Variants in PDXK observed in about 807,000 individuals in gnomAD.
PDXK encodes epididymis secretory sperm binding protein Li 1a.
A neutral mutation model predicts 43.2 loss-of-function variants in PDXK; 15 were observed. The observed-to-expected ratio is 0.35, with a 90% CI of 0.23 to 0.53. PDXK has a LOEUF of 0.53. PDXK is among the 20% of genes least tolerant of loss of function. The pLI is 0.92. For synonymous variants in PDXK, 172 were observed against 165.4 expected (o/e 1.04, Z -0.31); for missense variants, 343 against 417.0 (o/e 0.82, Z 1.54).
In PDXK at chr21:43,734,753, C is replaced by T. The variant is rs1174407947; in HGVS notation, c.142+630C>T. 6.6e-6 allele frequency among the ~76,000 whole-genome samples: 1 copy of T among 152,104 alleles called. No homozygotes were observed. Among genetic ancestry groups the T allele is most frequent in the African/African-American group, 2.4e-5 (1 of 41,412 alleles). On this transcript the variant is annotated intron_variant, in intron 2 of 10. Coordinates refer to ENST00000291565, the MANE Select transcript of PDXK (RefSeq NM_003681.5). This position sits in a 1 kb window ranked among gnomAD's most constrained non-coding sequence, Gnocchi z 5.0. ...GCCATGCTTTCCATGCCCCCAGCCC[C>T]ATGGCCTGGGGGTGGAGGTGCGTGG...
At chr21:43,729,129 GC>G (rs1601786736) in intron 1 of PDXK, 1 of 549,126 alleles carries the variant, frequency 1.8e-6, no homozygotes, top group East Asian at 1.7e-4. Context: ...TCCCACCCCG[GC>G]TCCGCTGGGT....
At chr21:43,753,013 C>T (rs955797809) in intron 8 of PDXK, among the ~76,000 whole-genome samples, 3 of 152,182 alleles carry the variant, frequency 2.0e-5, no homozygotes, top group African/African-American at 7.2e-5. Context: ...AGCTAGTGGC[C>T]GCGGGTTCAT....
rs1001206527 is a variant in PDXK at position 43,758,404 on chromosome 21, G to A, written c.*2341G>A. 1 of 153,436 alleles carries A rather than the reference G, an allele frequency of 6.5e-6. No homozygotes were observed. The highest frequency in any genetic ancestry group is 1.5e-5 in the Non-Finnish European group (1 of 68,074). The allele number at this position is 153,436 out of a possible 1,614,324, so 9.5% of individuals were successfully genotyped here. A position where few individuals can be genotyped will look rare whatever the true frequency, so the allele number is the denominator to read the frequency against. On this transcript the variant is annotated 3_prime_UTR_variant, in exon 11 of 11. Transcript: ENST00000291565. ...AAATCGGGGGTTTCTGAGAGCAGAT[G>A]GTGCCTTTGTGGGTGCAGGGCTTTT...
rs750378139 is a variant in PDXK at position 43,756,099 on chromosome 21, G to A, written c.*36G>A. 2 of 1,206,368 alleles carry A rather than the reference G, an allele frequency of 1.7e-6. No individual in the cohort carries two copies. Among genetic ancestry groups the A allele is most frequent in the Admixed American group, 1.8e-5 (1 of 54,828 alleles). The allele number at this position is 1,206,368 out of a possible 1,614,324, so 74.7% of individuals were successfully genotyped here. ...GCTTGCCCGTGACACGCAGCGCGTT[G>A]GTGTCTCCGTGTTTGTCCCTGTGAA... On this transcript the variant is annotated 3_prime_UTR_variant, in exon 11 of 11. Coordinates refer to ENST00000291565, the MANE Select transcript of PDXK (RefSeq NM_003681.5).
chr21:43,746,225 G>A, intron 5 of PDXK, 100 bp downstream of exon 5: 1 of 947,910 alleles, frequency 1.1e-6, no homozygotes. Flanking sequence ...AACTCGGTGG[G>A]ACTCCTCTGT....
Position 43,732,522 on chromosome 21 carries a change from C to T in PDXK, c.88-1547C>T. ...AAAAGCAGAAAATAGCGACTTCATTCTCGGATACGTTTGCCAGCCCCAAAG... is the reference window on the plus strand; with the variant it reads ...AAAAGCAGAAAATAGCGACTTCATTTTCGGATACGTTTGCCAGCCCCAAAG... On this transcript the variant is annotated intron_variant, in intron 1 of 10. Transcript: ENST00000291565. The surrounding 1 kb of genome is among the most constrained non-coding windows in gnomAD (Gnocchi z 4.1). 1 of 1,276,612 alleles carries T rather than the reference C, an allele frequency of 7.8e-7. No homozygotes were observed. The highest frequency in any genetic ancestry group is 1.1e-6 in the Non-Finnish European group (1 of 872,488). The allele number at this position is 1,276,612 out of a possible 1,614,324, so 79.1% of individuals were successfully genotyped here. A position where few individuals can be genotyped will look rare whatever the true frequency, so the allele number is the denominator to read the frequency against.
chr21:43,730,526 A>G (rs2083304720), intron 1 of PDXK, among the ~76,000 whole-genome samples: 1 of 152,246 alleles, frequency 6.6e-6, no homozygotes, highest in South Asian at 2.1e-4. Context: ...AGAGCTGTGC[A>G]GCAGCCTCTG....
At chr21:43,755,568 G>C in intron 9 of PDXK, 130 bp from the exon 10 acceptor site, 1 of 798,762 alleles carries the variant, frequency 1.3e-6, no homozygotes, top group Non-Finnish European at 2.2e-6. Context: ...GTGCATTGGC[G>C]GAGCCGGCTC....
chr21:43,726,653 C>T (rs2083257068), intron 1 of PDXK, among the ~76,000 whole-genome samples: 1 of 152,168 alleles, frequency 6.6e-6, no homozygotes, highest in African/African-American at 2.4e-5. Context: ...GGCAATCCAC[C>T]CACCTCAGCC....
At chr21:43,721,853 C>G (rs2083208652) in intron 1 of PDXK, 1 of 152,382 alleles carries the variant, frequency 6.6e-6, no homozygotes, top group African/African-American at 2.4e-5. Flanking sequence ...CCTCCCTGGG[C>G]AGAGCAAAAC....
At position 43,723,055 on chromosome 21, in the gene PDXK, G is replaced by T. The variant is rs1341565038; in HGVS notation, c.87+3674G>T. On this transcript the variant is annotated intron_variant, in intron 1 of 10. Coordinates refer to ENST00000291565, the MANE Select transcript of PDXK (RefSeq NM_003681.5). The surrounding 1 kb of genome is among the most constrained non-coding windows in gnomAD (Gnocchi z 4.1). ...GGGTTTCACCGTGTTAGCCAGGATGGTCTCAATCTCCTGACCTCGTGATCC... is the reference window on the plus strand; with the variant it reads ...GGGTTTCACCGTGTTAGCCAGGATGTTCTCAATCTCCTGACCTCGTGATCC... 6.6e-6 allele frequency among the ~76,000 whole-genome samples: 1 copy of T among 152,004 alleles called. No homozygotes were observed. Among genetic ancestry groups the T allele is most frequent in the Non-Finnish European group, 1.5e-5 (1 of 67,988 alleles).
At position 43,732,830 on chromosome 21, in the gene PDXK, C is replaced by T. The variant is rs2083338154; in HGVS notation, c.88-1239C>T. Among the ~76,000 whole-genome samples the T allele has an allele frequency of 6.6e-6, 1 of 152,182 alleles. No individual in the cohort carries two copies. Reference sequence around the variant, plus strand: ...TGGTGCCATCAGGGCTCACTGCAGCCTCCACCTCCTGGGCTCAGTGATCCT... The same window carrying T: ...TGGTGCCATCAGGGCTCACTGCAGCTTCCACCTCCTGGGCTCAGTGATCCT... On this transcript the variant is annotated intron_variant, in intron 1 of 10. Transcript: ENST00000291565. The surrounding 1 kb of genome is among the most constrained non-coding windows in gnomAD (Gnocchi z 4.1).
At position 43,759,804 on chromosome 21, in the gene PDXK, A is replaced by G. The variant is rs949790711; in HGVS notation, c.*3741A>G. On this transcript the variant is annotated 3_prime_UTR_variant, in exon 11 of 11. Coordinates refer to ENST00000291565, the MANE Select transcript of PDXK (RefSeq NM_003681.5). The stretch of plus-strand genomic sequence containing the variant: ...CCACGCCGCCTCTCACTGCCAGGCC[A>G]GCGGCTTCCGCTGAGACTCGCTGGA... The G allele has an allele frequency of 4.6e-5, 7 of 152,328 alleles. No homozygotes were observed. Among genetic ancestry groups the G allele is most frequent in the Admixed American group, 3.3e-4 (5 of 15,286 alleles). The allele number at this position is 152,328 out of a possible 1,614,324, so 9.4% of individuals were successfully genotyped here.
intron 5 of PDXK, among the ~76,000 whole-genome samples, chr21:43,747,886 A>C (rs2083665337): frequency 6.6e-6 from 1 of 152,184 alleles, no homozygotes; most frequent in African/African-American, 2.4e-5. Context: ...TGGGGCTCTA[A>C]AGAGCTTTCC....
At chr21:43,738,004 G>A in intron 2 of PDXK, 1 of 985,454 alleles carries the variant, frequency 1.0e-6, no homozygotes, top group Non-Finnish European at 1.2e-6. Flanking sequence ...CCTCAGAGGG[G>A]CCTGGGGCCT....
At chr21:43,750,424 T>A in intron 6 of PDXK, 76 bp from the exon 7 acceptor site, 1 of 1,315,566 alleles carries the variant, frequency 7.6e-7, no homozygotes, top group Non-Finnish European at 1.1e-6. Flanking sequence ...CCGCTGCGGT[T>A]TGGGGAATGT....
Position 43,743,717 on chromosome 21 carries a change from C to G in PDXK, c.248-7C>G, listed in dbSNP as rs2083587373. ...TTCTGAGGGTGACCTGGATTCTCCC[C>G]CTAAAGGTTATACGAGGGACAAGTC... On this transcript the variant is annotated splice_region_variant and splice_polypyrimidine_tract_variant and intron_variant, in intron 3 of 10. Coordinates refer to ENST00000291565, the MANE Select transcript of PDXK (RefSeq NM_003681.5). 1 of 1,604,750 alleles carries G rather than the reference C, an allele frequency of 6.2e-7. No homozygotes were observed. The highest frequency in any genetic ancestry group is 1.3e-5 in the African/African-American group (1 of 74,644).
In PDXK at chr21:43,754,114, C is replaced by G. The variant is rs1026383995; in HGVS notation, c.759+395C>G. Among the ~76,000 whole-genome samples the G allele has an allele frequency of 1.3e-5, 2 of 152,212 alleles. No individual in the cohort carries two copies. The highest frequency in any genetic ancestry group is 4.8e-5 in the African/African-American group (2 of 41,448). On this transcript the variant is annotated intron_variant, in intron 9 of 10. Coordinates refer to ENST00000291565, the MANE Select transcript of PDXK (RefSeq NM_003681.5). The surrounding 1 kb of genome is among the most constrained non-coding windows in gnomAD (Gnocchi z 5.5). ...AGGAGTGGCACCCTGCAGCATTTCC[C>G]ACAGTGTGACCACGGCAGTGACCTG...
intron 2 of PDXK, 34 bp from the exon 3 acceptor site, chr21:43,741,630 CTTG>C (rs1457157770): frequency 1.9e-6 from 3 of 1,601,406 alleles, no homozygotes; most frequent in Non-Finnish European, 2.6e-6. Flanking sequence ...AGCTGGCCCC[CTTG>C]TGTCTGAGCC....
Sources: allele counts gnomAD v4.1 joint callset (sites outside exome capture counted in the v4.1 genomes callset), GRCh38; gene constraint gnomAD v4.1.1; non-coding constraint Gnocchi (gnomAD v3.1); transcripts MANE v1.5; gene names NCBI Gene and HGNC (gene_info 2026-07-23, HGNC 2026-07-21).